The following DNAI4 variants were observed in gnomAD, a reference collection of about 807,000 sequenced individuals.
The protein encoded by DNAI4 is WD repeat domain 78.
Under a neutral mutation model 105.8 loss-of-function variants are expected in DNAI4, and 85 were observed. The ratio of observed to expected loss-of-function variants is 0.80; its 90% CI spans 0.67 to 0.96. The LOEUF (loss-of-function observed/expected upper bound fraction) is 0.96, where lower values mean the gene tolerates loss of function less well. Ranked by LOEUF, DNAI4 falls within the 40% of genes least tolerant of loss-of-function variation. The pLI is 0.00. For synonymous variants in DNAI4, 352 were observed against 331.5 expected, an observed-to-expected ratio of 1.06 and a Z score of -0.67; for missense variants, 1,014 against 1,005.6, an observed-to-expected ratio of 1.01 and a Z score of -0.11.
chr1:66,884,375 T>A (rs1320980139), intron 4 of DNAI4, among the ~76,000 whole-genome samples: 1 of 152,216 alleles, frequency 6.6e-6, no homozygotes, highest in East Asian at 1.9e-4. Flanking sequence ...ATTCTATTTT[T>A]AGTTTGAGGA....
intron 6 of DNAI4, among the ~76,000 whole-genome samples, chr1:66,863,056 T>C (rs1646661157): frequency 6.6e-6 from 1 of 152,222 alleles, no homozygotes; most frequent in African/African-American, 2.4e-5. Context: ...GTACGGTTAT[T>C]ATCGTCTCTT....
intron 7 of DNAI4, among the ~76,000 whole-genome samples, chr1:66,855,005 A>G (rs1646471120): frequency 6.6e-6 from 1 of 152,130 alleles, no homozygotes; most frequent in Non-Finnish European, 1.5e-5. Flanking sequence ...GCATTAGCCA[A>G]TTCCTAAAGA....
chr1:66,858,161 C>G (rs1646542263), intron 7 of DNAI4, among the ~76,000 whole-genome samples: 1 of 152,030 alleles, frequency 6.6e-6, no homozygotes, highest in Admixed American at 6.5e-5. Flanking sequence ...ATTAGGCTAG[C>G]ATTACCCTAA....
chr1:66,839,675 T>C (rs1489876596), intron 9 of DNAI4, among the ~76,000 whole-genome samples: 2 of 152,340 alleles, frequency 1.3e-5, no homozygotes, highest in East Asian at 1.9e-4. Flanking sequence ...AGAAGAAAAT[T>C]AGTCTAATTA....
intron 7 of DNAI4, among the ~76,000 whole-genome samples, chr1:66,849,191 T>A (rs1043832870): frequency 3.3e-5 from 5 of 152,224 alleles, no homozygotes; most frequent in Non-Finnish European, 7.3e-5. Context: ...CCAGCAGTAA[T>A]GAGAACAACC....
rs180700582 is a variant in DNAI4 at position 66,890,115 on chromosome 1, T to A, written c.643+1039A>T. 6.6e-6 allele frequency: 1 copy of A among 152,200 alleles called. No individual in the cohort carries two copies. Among genetic ancestry groups the A allele is most frequent in the African/African-American group, 2.4e-5 (1 of 41,414 alleles). The allele number at this position is 152,200 out of a possible 1,614,324, so 9.4% of individuals were successfully genotyped here. A position where few individuals can be genotyped will look rare whatever the true frequency, so the allele number is the denominator to read the frequency against. On this transcript the variant is annotated intron_variant, in intron 4 of 16. Coordinates refer to ENST00000371026, the MANE Select transcript of DNAI4 (RefSeq NM_024763.5). The surrounding 1 kb of genome is among the most constrained non-coding windows in gnomAD (Gnocchi z 4.1). ...TGAGCCCAGGAGTTCGAGACCAGCC[T>A]GGTCAACATAGTGAAAACCTCTATC...
At chr1:66,922,230 A>T (rs1458003652) in intron 1 of DNAI4, among the ~76,000 whole-genome samples, 2 of 152,208 alleles carry the variant, frequency 1.3e-5, no homozygotes, top group Non-Finnish European at 2.9e-5. Flanking sequence ...CCTGGCAGGA[A>T]TAAATTTTAT....
chr1:66,877,620 T>C (rs1557949700), intron 4 of DNAI4, among the ~76,000 whole-genome samples: 1 of 152,190 alleles, frequency 6.6e-6, no homozygotes, highest in Non-Finnish European at 1.5e-5. Context: ...TATTTTATCA[T>C]CATATAAAGT....
At chr1:66,910,596 C>G (rs1649583700) in intron 1 of DNAI4, among the ~76,000 whole-genome samples, 1 of 152,016 alleles carries the variant, frequency 6.6e-6, no homozygotes, top group Non-Finnish European at 1.5e-5. Flanking sequence ...AATGCCAGAA[C>G]AACAGGCGCA....
chr1:66,832,622 A>C (rs1645891200), intron 13 of DNAI4, among the ~76,000 whole-genome samples: 1 of 152,162 alleles, frequency 6.6e-6, no homozygotes, highest in South Asian at 2.1e-4. Flanking sequence ...GAGTGACTAT[A>C]GTCAATAATA....
At chr1:66,824,571 C>G (rs2100351000) in intron 15 of DNAI4, among the ~76,000 whole-genome samples, 1 of 151,404 alleles carries the variant, frequency 6.6e-6, no homozygotes, top group South Asian at 2.1e-4. Flanking sequence ...TGTTTGTATC[C>G]TCTTTTATTT....
chr1:66,845,856 G>GTGT (rs561733938), intron 8 of DNAI4, among the ~76,000 whole-genome samples: 1 of 149,328 alleles, frequency 6.7e-6, no homozygotes, highest in Non-Finnish European at 1.5e-5. Flanking sequence ...GTGTGTGTGT[G>GTGT]GTGGGGGTTG....
rs3033717 is a variant in DNAI4, at chr1:66,858,532, C to CAAAA, written c.1096+3611_1096+3614dup. Among the ~76,000 whole-genome samples the CAAAA allele has an allele frequency of 8.0e-3, 511 of 63,550 alleles. 5 individuals carry two copies. The highest frequency in any genetic ancestry group is 0.027 in the African/African-American group (488 of 17,922). The allele number at this position is 63,550 out of a possible 152,430, so 41.7% of individuals were successfully genotyped here. ...TGGGCAACAGAGCAAGACTCCGTCTCAAAAAAAAAAAAAAAAAATGCAAAA... is the reference window on the plus strand; with the variant it reads ...TGGGCAACAGAGCAAGACTCCGTCTCAAAAAAAAAAAAAAAAAAAAAATGCAAAA... On this transcript the variant is annotated intron_variant, in intron 7 of 16. Transcript: ENST00000371026.
intron 12 of DNAI4, 108 bp from the exon 13 acceptor site, chr1:66,833,814 T>C (rs958536815): frequency 7.0e-7 from 1 of 1,438,620 alleles, no homozygotes; most frequent in African/African-American, 1.4e-5. Context: ...CTGCCAACTT[T>C]TGCATGTAAT....
At chr1:66,884,231 T>C (rs959886369) in intron 4 of DNAI4, among the ~76,000 whole-genome samples, 5 of 152,236 alleles carry the variant, frequency 3.3e-5, no homozygotes, top group East Asian at 1.9e-4. Flanking sequence ...CATTCATCTG[T>C]TGATGAACAT....
intron 8 of DNAI4, among the ~76,000 whole-genome samples, chr1:66,842,067 T>A (rs535011521): frequency 6.6e-6 from 1 of 152,210 alleles, no homozygotes; most frequent in Non-Finnish European, 1.5e-5. Flanking sequence ...AAACGTTATA[T>A]AGTCGGAATC....
intron 5 of DNAI4, among the ~76,000 whole-genome samples, chr1:66,874,512 C>G (rs1427036748): frequency 6.6e-6 from 1 of 152,034 alleles, no homozygotes; most frequent in Non-Finnish European, 1.5e-5. Context: ...TGTTATTTGG[C>G]TTAGAAGTTC....
intron 13 of DNAI4, among the ~76,000 whole-genome samples, chr1:66,828,932 G>T (rs566101360): frequency 6.6e-6 from 1 of 151,902 alleles, no homozygotes; most frequent in Non-Finnish European, 1.5e-5. Flanking sequence ...GTCATTTTTC[G>T]CTAGCGATCT....
Position 66,819,335 on chromosome 1 carries a change from G to T in DNAI4, c.2496+3026C>A, listed in dbSNP as rs79238807. On this transcript the variant is annotated intron_variant, in intron 16 of 16. Transcript: ENST00000371026. The stretch of plus-strand genomic sequence containing the variant: ...CTCCTTTGTGAAAACCTTCACAAAA[G>T]CATTCTCTTATTTTCCTTTTCCTCT... Among the ~76,000 whole-genome samples, 1,211 of 152,242 alleles carry T rather than the reference G, an allele frequency of 8.0e-3. 14 individuals carry two copies. Among genetic ancestry groups the T allele is most frequent in the African/African-American group, 0.028 (1,162 of 41,540 alleles).
Sources: allele counts gnomAD v4.1 joint callset (sites outside exome capture counted in the v4.1 genomes callset), GRCh38; gene constraint gnomAD v4.1.1; non-coding constraint Gnocchi (gnomAD v3.1); transcripts MANE v1.5; gene names NCBI Gene and HGNC (gene_info 2026-07-23, HGNC 2026-07-21).